SCAF4: variants seen among roughly 807,000 people sequenced by gnomAD.
SCAF4 encodes the protein SR-related CTD associated factor 4.
A neutral mutation model predicts 129.8 loss-of-function variants in SCAF4; 25 were observed. The ratio of observed to expected loss-of-function variants is 0.19; its 90% confidence interval spans 0.14 to 0.27. The LOEUF (loss-of-function observed/expected upper bound fraction) is 0.27, where lower values mean the gene tolerates loss of function less well. SCAF4 is among the 10% of genes least tolerant of loss of function. The pLI, the probability that SCAF4 is intolerant of heterozygous loss-of-function variation, is 1.00. For synonymous variants in SCAF4, 551 were observed against 497.7 expected (o/e 1.11, Z -1.43); for missense variants, 1,246 against 1,457.1 (o/e 0.86, Z 2.36).
intron 1 of SCAF4, among the ~76,000 whole-genome samples, chr21:31,723,633 C>CGCGCGCGT (rs1568867450): frequency 3.8e-5 from 4 of 106,272 alleles, no homozygotes; most frequent in African/African-American, 1.5e-4. Flanking sequence ...TGTGTGTGCG[C>CGCGCGCGT]GCGCGCGCGC....
intron 16 of SCAF4, among the ~76,000 whole-genome samples, chr21:31,686,337 T>C (rs1194170031): frequency 2.6e-5 from 4 of 152,186 alleles, no homozygotes; most frequent in Non-Finnish European, 5.9e-5. Flanking sequence ...TAATACATTT[T>C]AAAATGTTCC....
chr21:31,708,519 T>C (rs910086943), intron 1 of SCAF4, among the ~76,000 whole-genome samples: 2 of 152,192 alleles, frequency 1.3e-5, no homozygotes, highest in Admixed American at 6.5e-5. Flanking sequence ...TTTATAAATA[T>C]GTAGCATACA....
At chr21:31,703,973 A>G in intron 3 of SCAF4, 47 bp from the exon 4 acceptor site, 1 of 1,169,016 alleles carries the variant, frequency 8.6e-7, no homozygotes, top group South Asian at 2.0e-5. Context: ...GCAAAGTCAC[A>G]ATCTGACACC....
rs180766278 is a variant in SCAF4, at chr21:31,714,526, C to T, written c.31-8169G>A. 6.6e-3 allele frequency among the ~76,000 whole-genome samples: 998 copies of T among 152,254 alleles called. 10 individuals are homozygous for T. The highest frequency in any genetic ancestry group is 0.023 in the African/African-American group (940 of 41,556). ...CTGCATGACATATAGAAGCCTGAGA[C>T]ACAAAATCCTCTAAAAATTATGAAG... On this transcript the variant is annotated intron_variant, in intron 1 of 19. Coordinates refer to ENST00000286835, the MANE Select transcript of SCAF4 (RefSeq NM_020706.2).
At chr21:31,725,578 A>G (rs1449169268) in intron 1 of SCAF4, among the ~76,000 whole-genome samples, 1 of 152,244 alleles carries the variant, frequency 6.6e-6, no homozygotes, top group East Asian at 1.9e-4. Flanking sequence ...CATTATATGC[A>G]TACCACCTCA....
intron 13 of SCAF4, 112 bp from the exon 14 acceptor site, chr21:31,692,042 G>A (rs1288129645): frequency 1.8e-5 from 11 of 615,926 alleles, no homozygotes; most frequent in Admixed American, 1.2e-4. Flanking sequence ...GCTATATAAT[G>A]TAAGGTTAAA....
At chr21:31,713,308 A>T (rs912376447) in intron 1 of SCAF4, among the ~76,000 whole-genome samples, 30 of 152,230 alleles carry the variant, frequency 2.0e-4, no homozygotes, top group Non-Finnish European at 3.4e-4. Context: ...TGCCCGAGAA[A>T]TCTTGGCTCT....
chr21:31,687,394 A>G (rs947193427), intron 16 of SCAF4, among the ~76,000 whole-genome samples: 4 of 152,224 alleles, frequency 2.6e-5, no homozygotes, highest in Non-Finnish European at 4.4e-5. Context: ...GCACATTTAC[A>G]AATAGGAAAC....
chr21:31,724,920 A>G (rs1040910601), intron 1 of SCAF4, among the ~76,000 whole-genome samples: 1 of 152,214 alleles, frequency 6.6e-6, no homozygotes, highest in East Asian at 1.9e-4. Flanking sequence ...GGAAATACTT[A>G]CAACAAGAAC....
chr21:31,681,936 T>C (rs1366328842), intron 19 of SCAF4, among the ~76,000 whole-genome samples: 1 of 152,120 alleles, frequency 6.6e-6, no homozygotes, highest in Non-Finnish European at 1.5e-5. Flanking sequence ...TATTGCCACA[T>C]TTCACAAATT....
At chr21:31,699,428 G>A (rs1418684379) in intron 7 of SCAF4, among the ~76,000 whole-genome samples, 1 of 150,724 alleles carries the variant, frequency 6.6e-6, no homozygotes, top group Admixed American at 6.6e-5. Flanking sequence ...AAGAGTGCAA[G>A]AATATACACG....
At position 31,691,817 on chromosome 21, in the gene SCAF4, C is replaced by A; in HGVS notation, c.1728G>T (p.Lys576Asn). The change falls in exon 14 of 20, where the codon AAG becomes AAT. Residue 576 changes from lysine (K) to asparagine (N), a missense_variant and splice_region_variant. Lys to Asn is a moderately conservative substitution (Grantham distance 94). Coordinates refer to ENST00000286835, the MANE Select transcript of SCAF4 (RefSeq NM_020706.2). ...TTAATTATAACATGTAAGACTGTAC[C>A]TTTATGGATTTCTGGTTCACTTTAT... ...GNYKVNQKSI[K>N]IAWALNKGIK... 1 of 1,553,692 alleles carries A rather than the reference C, an allele frequency of 6.4e-7. No homozygotes were observed. The highest frequency in any genetic ancestry group is 1.2e-5 in the South Asian group (1 of 86,610).
Position 31,671,702 on chromosome 21 carries a change from T to C in SCAF4, c.3141A>G (p.Glu1047=). ...SPDRDRHRDL[E]ERNRRSSGHR... ...GCCCACTAGAGCGTCTATTTCTCTC[T>C]TCCAAGTCTCTGTGCCTGTCCCGGT... The change falls in exon 20 of 20, where the codon GAA becomes GAG. Residue 1047 remains glutamate, a synonymous_variant. Coordinates refer to ENST00000286835, the MANE Select transcript of SCAF4 (RefSeq NM_020706.2). 6.2e-7 allele frequency: 1 copy of C among 1,614,128 alleles called. No individual in the cohort carries two copies. The highest frequency in any genetic ancestry group is 8.5e-7 in the Non-Finnish European group (1 of 1,179,976).
In SCAF4 at chr21:31,700,158, AC is replaced by A. The variant is rs200539435; in HGVS notation, c.777+836del. ...AAACCCTCATATTATATATATGGTA[AC>A]TAAGGTTAAAATACACACACACTCA... is the stretch of plus-strand genomic sequence containing the variant. On this transcript the variant is annotated intron_variant, in intron 7 of 19. Transcript: ENST00000286835. Among the ~76,000 whole-genome samples, 736 of 150,906 alleles carry A rather than the reference AC, an allele frequency of 4.9e-3. 19 individuals carry two copies. Among genetic ancestry groups the A allele is most frequent in the Admixed American group, 0.042 (626 of 14,942 alleles).
At position 31,702,276 on chromosome 21, in the gene SCAF4, G is replaced by T. The variant is rs949022686; in HGVS notation, c.425C>A (p.Ala142Asp). 4 of 1,613,858 alleles carry T rather than the reference G, an allele frequency of 2.5e-6. No homozygotes were observed. In the African/African-American group the frequency reaches 5.3e-5, roughly 22 times the overall value. ...LDMAAGTSNAAPVAENVTNNE... is the reference protein window; with the variant it reads ...LDMAAGTSNADPVAENVTNNE... ...ATTGGTAACATTTTCTGCTACTGGG[G>T]CTGCATTACTGGTTCCCGCTGCCAT... is the stretch of plus-strand genomic sequence containing the variant. The change falls in exon 5 of 20, where the codon GCC (alanine) becomes GAC (aspartate). Residue 142 changes from alanine (A) to aspartate (D), a missense_variant. Around this residue, in one of 6 missense-constraint regions of SCAF4, gnomAD observed 143 missense variants for 161.0 expected, o/e 0.89. Coordinates refer to ENST00000286835, the MANE Select transcript of SCAF4 (RefSeq NM_020706.2).
chr21:31,691,908 G>A lies in SCAF4; in HGVS notation c.1637C>T (p.Ala546Val), dbSNP rs764880188. Residue 546 changes from alanine to valine, a missense_variant, in exon 14 of 20, where the codon GCC (alanine) becomes GTC (valine). By Grantham distance (64) the Ala-to-Val change is moderately conservative. Around this residue, in one of 6 missense-constraint regions of SCAF4, gnomAD observed 468 missense variants for 605.5 expected, o/e 0.77. Coordinates refer to ENST00000286835, the MANE Select transcript of SCAF4 (RefSeq NM_020706.2). The part of the protein sequence containing the change: ...SINMIPPRGC[A>V]YIVMVHRQDA... Reference sequence around the variant, plus strand: ...TTGCCTATGAACCATAACAATATAGGCACAACCCCTGGGAGGAATCATCTG... The same window carrying A: ...TTGCCTATGAACCATAACAATATAGACACAACCCCTGGGAGGAATCATCTG... 1 of 1,593,600 alleles carries A rather than the reference G, an allele frequency of 6.3e-7. No homozygotes were observed. Among genetic ancestry groups the A allele is most frequent in the Non-Finnish European group, 8.6e-7 (1 of 1,167,928 alleles).
At chr21:31,706,762 C>G in intron 1 of SCAF4, 1 of 231,390 alleles carries the variant, frequency 4.3e-6, no homozygotes, top group Non-Finnish European at 8.8e-6. Flanking sequence ...AAAACAGACT[C>G]AAGTGACTAA....
intron 3 of SCAF4, 90 bp from the exon 4 acceptor site, chr21:31,704,016 T>C (rs904699204): frequency 4.0e-6 from 3 of 745,426 alleles, no homozygotes; most frequent in Non-Finnish European, 6.4e-6. Context: ...CTTTTATATA[T>C]CCATCCAATG....
At chr21:31,685,799 G>T in intron 16 of SCAF4, 66 bp from the exon 17 acceptor site, 1 of 1,423,254 alleles carries the variant, frequency 7.0e-7, no homozygotes, top group Non-Finnish European at 9.5e-7. Flanking sequence ...AGTAAGCACA[G>T]ATAAAAGAGC....
Sources: gnomAD v4.1 joint callset for allele counts (sites outside exome capture counted in the v4.1 genomes callset) on GRCh38, gnomAD v4.1.1 for gene constraint, gnomAD v4.1.1 regional missense constraint, MANE v1.5 for transcripts, NCBI Gene and HGNC (gene_info 2026-07-23, HGNC 2026-07-21) for gene names.